Variants in AGAP1 observed in about 807,000 individuals in gnomAD.
AGAP1 encodes arf-GAP with GTPase, ANK repeat and PH domain-containing protein 1.
Under a neutral mutation model 105.3 loss-of-function variants are expected in AGAP1, and 29 were observed. That is an observed-to-expected ratio of 0.28 (90% confidence interval 0.21 to 0.38). The LOEUF is 0.38. Ranked by LOEUF, AGAP1 falls within the 10% of genes least tolerant of loss-of-function variation. AGAP1 has a pLI of 1.00. For missense variants in AGAP1, 998 were observed against 1,165.1 expected, an observed-to-expected ratio of 0.86 and a Z score of 2.09; for synonymous variants, 509 against 485.9, an observed-to-expected ratio of 1.05 and a Z score of -0.63.
At position 236,123,239 on chromosome 2, in the gene AGAP1, A is replaced by AT. The variant is rs1222282039; in HGVS notation, c.2371-673dup. ...CAGGCATATGCCACGTGCCCAGCTAATTTTTTTAAAATGTGTTTTTTTCTA... is the reference window on the plus strand; with the variant it reads ...CAGGCATATGCCACGTGCCCAGCTAATTTTTTTTAAAATGTGTTTTTTTCTA... On this transcript the variant is annotated intron_variant, in intron 17 of 17. Coordinates refer to ENST00000304032, the MANE Select transcript of AGAP1 (RefSeq NM_001037131.3). The surrounding 1 kb of genome is among the most constrained non-coding windows in gnomAD (Gnocchi z 4.6). 4.6e-5 allele frequency among the ~76,000 whole-genome samples: 7 copies of AT among 152,066 alleles called. No homozygotes were observed. The highest frequency in any genetic ancestry group is 1.4e-4 in the African/African-American group (6 of 41,426).
chr2:236,000,799 C>G lies in AGAP1; in HGVS notation c.1645+32176C>G, dbSNP rs1217768629. ...TAAGGGGGGCGGAGAAGACCCCTGA[C>G]AGCAAGAAGGAGCCCCACTTGTGCT... On this transcript the variant is annotated intron_variant, in intron 13 of 17. Transcript: ENST00000304032. This position sits in a 1 kb window ranked among gnomAD's most constrained non-coding sequence, Gnocchi z 4.3. Among the ~76,000 whole-genome samples the G allele has an allele frequency of 6.6e-6, 1 of 152,126 alleles. No homozygotes were observed. The highest frequency in any genetic ancestry group is 1.5e-5 in the Non-Finnish European group (1 of 68,020).
chr2:235,825,030 C>T (rs1007621545), intron 9 of AGAP1, among the ~76,000 whole-genome samples: 10 of 152,092 alleles, frequency 6.6e-5, no homozygotes, highest in African/African-American at 2.2e-4. Flanking sequence ...CAAGAATAAC[C>T]ATATGAAAGA....
intron 1 of AGAP1, among the ~76,000 whole-genome samples, chr2:235,707,471 G>GGCC (rs1559377272): frequency 6.7e-4 from 4 of 5,984 alleles, no homozygotes; most frequent in Non-Finnish European, 1.0e-3. Flanking sequence ...CCCTCCCCAT[G>GGCC]ACCCCCCCCC....
intron 12 of AGAP1, among the ~76,000 whole-genome samples, chr2:235,955,413 A>C (rs4261675): frequency 0.58 from 87,993 of 151,914 alleles, 25,661 homozygotes; most frequent in South Asian, 0.8. Context: ...ACTTCGGCTC[A>C]GCAGCATGTA....
At position 236,000,421 on chromosome 2, in the gene AGAP1, G is replaced by A. The variant is rs1353407767; in HGVS notation, c.1645+31798G>A. Among the ~76,000 whole-genome samples, 9 of 152,076 alleles carry A rather than the reference G, an allele frequency of 5.9e-5. No individual in the cohort carries two copies. The highest frequency in any genetic ancestry group is 1.3e-4 in the Admixed American group (2 of 15,268). ...GGACTTTCTGTACAAAAATCACTAC[G>A]CGTGACAGCTCAAATAATAAACAGT... is the stretch of plus-strand genomic sequence containing the variant. On this transcript the variant is annotated intron_variant, in intron 13 of 17. Coordinates refer to ENST00000304032, the MANE Select transcript of AGAP1 (RefSeq NM_001037131.3). This position sits in a 1 kb window ranked among gnomAD's most constrained non-coding sequence, Gnocchi z 4.3.
In AGAP1 at chr2:235,573,085, C is replaced by CTTCCTTCTTCCTTCTTCCTTCTTCCTTCT. The variant is rs1559259150; in HGVS notation, c.163+78239_163+78240insCTTCTTCCTTCTTCCTTCTTCCTTCTTTC. Among the ~76,000 whole-genome samples, 22 of 110,444 alleles carry CTTCCTTCTTCCTTCTTCCTTCTTCCTTCT rather than the reference C, an allele frequency of 2.0e-4. 3 individuals are homozygous for CTTCCTTCTTCCTTCTTCCTTCTTCCTTCT. Among genetic ancestry groups the CTTCCTTCTTCCTTCTTCCTTCTTCCTTCT allele is most frequent in the African/African-American group, 8.3e-4 (19 of 22,910 alleles). 72.5% of individuals were successfully genotyped at this position (110,444 alleles called of 152,430 possible). On this transcript the variant is annotated intron_variant, in intron 1 of 17. Transcript: ENST00000304032. Reference sequence around the variant, plus strand: ...CTTTCTTCTTTCTTCTTTCTTCTTTCTTCTTTCTTCTTCTTCTTCCTTTTT... The same window carrying CTTCCTTCTTCCTTCTTCCTTCTTCCTTCT: ...CTTTCTTCTTTCTTCTTTCTTCTTTCTTCCTTCTTCCTTCTTCCTTCTTCCTTCTTTCTTTCTTCTTCTTCTTCCTTTTT...
At position 235,569,643 on chromosome 2, in the gene AGAP1, G is replaced by A. The variant is rs1944455995; in HGVS notation, c.163+74794G>A. ...ACATCCCTGGAGGGGCTGTGCCCAG[G>A]TAGGGTGTGTTCACTGTGCCCCTGT... is the stretch of plus-strand genomic sequence containing the variant. On this transcript the variant is annotated intron_variant, in intron 1 of 17. Coordinates refer to ENST00000304032, the MANE Select transcript of AGAP1 (RefSeq NM_001037131.3). The surrounding 1 kb of genome is among the most constrained non-coding windows in gnomAD (Gnocchi z 5.9). Among the ~76,000 whole-genome samples, 1 of 152,162 alleles carries A rather than the reference G, an allele frequency of 6.6e-6. No homozygotes were observed. Among genetic ancestry groups the A allele is most frequent in the African/African-American group, 2.4e-5 (1 of 41,440 alleles).
rs886995373 is a variant in AGAP1, at chr2:235,728,932, C to T, written c.310+11288C>T. Reference sequence around the variant, plus strand: ...TGTGGAGGAATGGTCAAAACCCAGGCGTGATGTGACCACACCATCTGGCAG... The same window carrying T: ...TGTGGAGGAATGGTCAAAACCCAGGTGTGATGTGACCACACCATCTGGCAG... On this transcript the variant is annotated intron_variant, in intron 3 of 17. Transcript: ENST00000304032. This position sits in a 1 kb window ranked among gnomAD's most constrained non-coding sequence, Gnocchi z 4.3. Among the ~76,000 whole-genome samples the T allele has an allele frequency of 6.6e-6, 1 of 151,438 alleles. No homozygotes were observed. Among genetic ancestry groups the T allele is most frequent in the African/African-American group, 2.5e-5 (1 of 40,786 alleles).
In AGAP1 at chr2:235,720,453, G is replaced by A. The variant is rs1951324071; in HGVS notation, c.310+2809G>A. Reference sequence around the variant, plus strand: ...TGTGGTTACTTACCCACACAAAGGTGAGGGCACTCCCACAGTGGTGGGAGT... The same window carrying A: ...TGTGGTTACTTACCCACACAAAGGTAAGGGCACTCCCACAGTGGTGGGAGT... On this transcript the variant is annotated intron_variant, in intron 3 of 17. Transcript: ENST00000304032. This position sits in a 1 kb window ranked among gnomAD's most constrained non-coding sequence, Gnocchi z 5.0. 6.6e-6 allele frequency among the ~76,000 whole-genome samples: 1 copy of A among 152,118 alleles called. No homozygotes were observed.
In AGAP1 at chr2:236,127,577, C is replaced by A. The variant is rs184458174; in HGVS notation, c.*3455C>A. Reference sequence around the variant, plus strand: ...CGGCAGTGGCTTTTCAGCACAAGGGCCTTGCATTGAAGCTCCCTCTTCTGA... The same window carrying A: ...CGGCAGTGGCTTTTCAGCACAAGGGACTTGCATTGAAGCTCCCTCTTCTGA... On this transcript the variant is annotated 3_prime_UTR_variant, in exon 18 of 18. Transcript: ENST00000304032. The surrounding 1 kb of genome is among the most constrained non-coding windows in gnomAD (Gnocchi z 6.6). 1.3e-5 allele frequency: 2 copies of A among 152,214 alleles called. No homozygotes were observed. The highest frequency in any genetic ancestry group is 2.9e-5 in the Non-Finnish European group (2 of 68,062). The allele number at this position is 152,214 out of a possible 1,614,324, so 9.4% of individuals were successfully genotyped here.
chr2:235,646,238 C>G lies in AGAP1; in HGVS notation c.164-62941C>G, dbSNP rs999733204. 2.1e-5 allele frequency among the ~76,000 whole-genome samples: 3 copies of G among 140,472 alleles called. No individual in the cohort carries two copies. The Admixed American group carries it at 2.4e-4, about 11-fold the overall frequency. The allele number at this position is 140,472 out of a possible 152,430, so 92.2% of individuals were successfully genotyped here. A position where few individuals can be genotyped will look rare whatever the true frequency, so the allele number is the denominator to read the frequency against. ...TGCAGTGAGATTGCGCCATTGCACT[C>G]CAGCCTGGGCAACAGATCTAGACTC... On this transcript the variant is annotated intron_variant, in intron 1 of 17. Transcript: ENST00000304032.
chr2:236,112,730 C>G (rs1363672217), intron 16 of AGAP1, among the ~76,000 whole-genome samples: 1 of 152,244 alleles, frequency 6.6e-6, no homozygotes, highest in East Asian at 1.9e-4. Context: ...ACAGAACGCT[C>G]TCCCGCTCTC....
In AGAP1 at chr2:235,642,372, G is replaced by C. The variant is rs1243363744; in HGVS notation, c.164-66807G>C. Among the ~76,000 whole-genome samples the C allele has an allele frequency of 6.6e-6, 1 of 152,252 alleles. No homozygotes were observed. Among genetic ancestry groups the C allele is most frequent in the African/African-American group, 2.4e-5 (1 of 41,460 alleles). Reference sequence around the variant, plus strand: ...GCACCCACTGGCATTGATTAGAAGAGAGCTTGTGACTGAGGAAAACCTGGC... The same window carrying C: ...GCACCCACTGGCATTGATTAGAAGACAGCTTGTGACTGAGGAAAACCTGGC... On this transcript the variant is annotated intron_variant, in intron 1 of 17. Transcript: ENST00000304032. The surrounding 1 kb of genome is among the most constrained non-coding windows in gnomAD (Gnocchi z 4.1).
chr2:235,640,350 T>C (rs1463774958), intron 1 of AGAP1, among the ~76,000 whole-genome samples: 1 of 152,264 alleles, frequency 6.6e-6, no homozygotes, highest in Non-Finnish European at 1.5e-5. Context: ...GAAAAGGTGC[T>C]GTTCCTTCCA....
At position 235,864,304 on chromosome 2, in the gene AGAP1, G is replaced by C. The variant is rs186430738; in HGVS notation, c.1051-19041G>C. Among the ~76,000 whole-genome samples the C allele has an allele frequency of 6.6e-6, 1 of 152,194 alleles. No homozygotes were observed. Among genetic ancestry groups the C allele is most frequent in the Non-Finnish European group, 1.5e-5 (1 of 68,042 alleles). On this transcript the variant is annotated intron_variant, in intron 9 of 17. Transcript: ENST00000304032. The surrounding 1 kb of genome is among the most constrained non-coding windows in gnomAD (Gnocchi z 5.0). ...ATGCCCCCATCATGTGAAGGGGTTC[G>C]GCTCACTCTGTGGCCGGCCTGGAGG...
chr2:235,688,610 G>C (rs970857226), intron 1 of AGAP1, among the ~76,000 whole-genome samples: 1 of 152,180 alleles, frequency 6.6e-6, no homozygotes, highest in Non-Finnish European at 1.5e-5. Context: ...TCCAGTTATA[G>C]GTGGGTGGGA....
intron 9 of AGAP1, among the ~76,000 whole-genome samples, chr2:235,836,978 G>GT (rs1960239789): frequency 6.6e-6 from 1 of 151,980 alleles, no homozygotes; most frequent in South Asian, 2.1e-4. Context: ...TTTTTGTTGG[G>GT]TTGGGGGGGT....
At chr2:235,870,542 C>T (rs2049386907) in intron 9 of AGAP1, among the ~76,000 whole-genome samples, 1 of 152,212 alleles carries the variant, frequency 6.6e-6, no homozygotes, top group Admixed American at 6.5e-5. Flanking sequence ...AGGAGAATCA[C>T]TTGAACCTGA....
rs1004541777 is a variant in AGAP1 at position 235,989,553 on chromosome 2, G to T, written c.1645+20930G>T. Among the ~76,000 whole-genome samples the T allele has an allele frequency of 1.3e-5, 2 of 152,140 alleles. No individual in the cohort carries two copies. Among genetic ancestry groups the T allele is most frequent in the East Asian group, 3.9e-4 (2 of 5,162 alleles). ...GGGCACACTGGTGGCGTAGCTGAGG[G>T]GCTGCCTGCGTGCAAGGAGGACATG... On this transcript the variant is annotated intron_variant, in intron 13 of 17. Coordinates refer to ENST00000304032, the MANE Select transcript of AGAP1 (RefSeq NM_001037131.3). The surrounding 1 kb of genome is among the most constrained non-coding windows in gnomAD (Gnocchi z 4.4).
Sources: gnomAD v4.1 joint callset for allele counts (sites outside exome capture counted in the v4.1 genomes callset) on GRCh38, gnomAD v4.1.1 for gene constraint, Gnocchi (gnomAD v3.1) non-coding constraint, MANE v1.5 for transcripts, NCBI Gene and HGNC (gene_info 2026-07-23, HGNC 2026-07-21) for gene names.